The following CNTNAP5 variants were observed in gnomAD, a reference collection of about 807,000 sequenced individuals.
The protein encoded by CNTNAP5 is contactin associated protein family member 5, also known as contactin-associated protein-like 5.
CNTNAP5 carries 72 observed loss-of-function variants against 150.2 expected under a neutral mutation model. That is an observed-to-expected ratio of 0.48 (90% CI 0.40 to 0.58). CNTNAP5 has a LOEUF of 0.58. Ranked by LOEUF, CNTNAP5 falls within the 20% of genes least tolerant of loss-of-function variation. CNTNAP5 has a pLI of 0.00. For synonymous variants in CNTNAP5, 672 were observed against 619.8 expected (o/e 1.08, Z -1.25); for missense variants, 1,636 against 1,626.2 (o/e 1.01, Z -0.10).
chr2:124,101,456 A>G (rs538842887), intron 1 of CNTNAP5, among the ~76,000 whole-genome samples: 15 of 152,208 alleles, frequency 9.9e-5, no homozygotes, highest in Non-Finnish European at 1.9e-4. Context: ...ACAAAGCTGG[A>G]AAGGGGCACA....
In CNTNAP5 at chr2:124,373,502, C is replaced by G. The variant is rs886215077; in HGVS notation, c.382-43941C>G. Reference sequence around the variant, plus strand: ...CTAAAGTGGTGCCACGAGGAGTTCACTGATAAATTGAGATTTTTAGCAACA... The same window carrying G: ...CTAAAGTGGTGCCACGAGGAGTTCAGTGATAAATTGAGATTTTTAGCAACA... On this transcript the variant is annotated intron_variant, in intron 3 of 23. Coordinates refer to ENST00000682447, the MANE Select transcript of CNTNAP5 (RefSeq NM_001367498.1). 2.6e-5 allele frequency among the ~76,000 whole-genome samples: 4 copies of G among 151,954 alleles called. No homozygotes were observed. In the East Asian group the frequency reaches 7.8e-4, roughly 29 times the overall value.
At chr2:124,689,531 G>A (rs544998261) in intron 13 of CNTNAP5, among the ~76,000 whole-genome samples, 5 of 152,216 alleles carry the variant, frequency 3.3e-5, no homozygotes, top group African/African-American at 1.2e-4. Context: ...GCACACATGT[G>A]TTTGCCTGTC....
At chr2:124,243,522 T>C (rs2104770197) in intron 3 of CNTNAP5, among the ~76,000 whole-genome samples, 1 of 152,326 alleles carries the variant, frequency 6.6e-6, no homozygotes, top group East Asian at 1.9e-4. Context: ...ATTAATGTCA[T>C]CTTTATTCTG....
At position 124,914,676 on chromosome 2, in the gene CNTNAP5, G is replaced by T. The variant is rs191003225; in HGVS notation, c.*388G>T. ...GAACCTGAGCTCTTAGGCACATGAC[G>T]GTCATTCCTGACATCCTCCCCAGCT... On this transcript the variant is annotated 3_prime_UTR_variant, in exon 24 of 24. Coordinates refer to ENST00000682447, the MANE Select transcript of CNTNAP5 (RefSeq NM_001367498.1). 5.5e-4 allele frequency: 87 copies of T among 159,136 alleles called. No homozygotes were observed. In the Middle Eastern group the frequency reaches 0.022, roughly 41 times the overall value. 9.9% of individuals were successfully genotyped at this position (159,136 alleles called of 1,614,324 possible). A position where few individuals can be genotyped will look rare whatever the true frequency, so the allele number is the denominator to read the frequency against.
intron 13 of CNTNAP5, among the ~76,000 whole-genome samples, chr2:124,706,923 A>G (rs1285074592): frequency 7.1e-3 from 187 of 26,248 alleles, no homozygotes; most frequent in Middle Eastern, 0.019. Flanking sequence ...GAGGAGAAGA[A>G]GAAGAAGAAG....
chr2:124,513,311 A>G (rs1244377344), intron 8 of CNTNAP5, among the ~76,000 whole-genome samples: 1 of 152,180 alleles, frequency 6.6e-6, no homozygotes, highest in Non-Finnish European at 1.5e-5. Context: ...AACATATGGA[A>G]ACTTATTTTA....
intron 3 of CNTNAP5, among the ~76,000 whole-genome samples, chr2:124,373,624 C>T (rs1421114987): frequency 1.3e-5 from 2 of 151,688 alleles, no homozygotes; most frequent in East Asian, 3.9e-4. Context: ...GACTAAGGTT[C>T]AGAATAATTG....
chr2:124,419,933 TTTC>T (rs1469595588), intron 4 of CNTNAP5, among the ~76,000 whole-genome samples: 12 of 129,080 alleles, frequency 9.3e-5, no homozygotes, highest in African/African-American at 3.1e-4. Flanking sequence ...TCTTTCTTTC[TTTC>T]TTTCTTTCTT....
Position 124,219,610 on chromosome 2 carries a change from G to T in CNTNAP5, c.83-2095G>T, listed in dbSNP as rs142742837. Reference sequence around the variant, plus strand: ...CCTATATATGTGTTTGTGTGTGTGTGGTTTGTATTTTTCTATGGGGCTCAC... The same window carrying T: ...CCTATATATGTGTTTGTGTGTGTGTTGTTTGTATTTTTCTATGGGGCTCAC... On this transcript the variant is annotated intron_variant, in intron 1 of 23. Coordinates refer to ENST00000682447, the MANE Select transcript of CNTNAP5 (RefSeq NM_001367498.1). 3.9e-3 allele frequency among the ~76,000 whole-genome samples: 594 copies of T among 152,062 alleles called. 5 individuals carry two copies. The highest frequency in any genetic ancestry group is 0.012 in the African/African-American group (512 of 41,494).
At chr2:124,881,462 C>A (rs1223350745) in intron 21 of CNTNAP5, among the ~76,000 whole-genome samples, 3 of 152,092 alleles carry the variant, frequency 2.0e-5, no homozygotes, top group Non-Finnish European at 2.9e-5. Flanking sequence ...TCTGGTCTGG[C>A]CTGAGCCCGA....
In CNTNAP5 at chr2:124,798,332, G is replaced by T. The variant is rs1428395109; in HGVS notation, c.3217+12G>T. 15 of 1,582,882 alleles carry T rather than the reference G, an allele frequency of 9.5e-6. No homozygotes were observed. The highest frequency in any genetic ancestry group is 3.3e-5 in the Admixed American group (2 of 59,924). ...GCTCTGCAAGAATGGTGAGTGTGAT[G>T]GCATGATACCCAGCGGAGTCTCAGC... On this transcript the variant is annotated intron_variant, in intron 19 of 23. Coordinates refer to ENST00000682447, the MANE Select transcript of CNTNAP5 (RefSeq NM_001367498.1).
rs559753738 is a variant in CNTNAP5 at position 124,685,373 on chromosome 2, C to T, written c.2077+37415C>T. 2.2e-4 allele frequency among the ~76,000 whole-genome samples: 33 copies of T among 152,146 alleles called. 1 individual carries two copies. The South Asian group carries it at 6.0e-3, about 28-fold the overall frequency. Reference sequence around the variant, plus strand: ...CTGCTTACACTTTATTTCTTAGTACCCACATAGATCATCTCAATCACCTAT... The same window carrying T: ...CTGCTTACACTTTATTTCTTAGTACTCACATAGATCATCTCAATCACCTAT... On this transcript the variant is annotated intron_variant, in intron 13 of 23. Transcript: ENST00000682447.
At chr2:124,844,445 C>A (rs188928328) in intron 19 of CNTNAP5, among the ~76,000 whole-genome samples, 2 of 151,820 alleles carry the variant, frequency 1.3e-5, no homozygotes, top group Non-Finnish European at 2.9e-5. Context: ...TCAGGTAATG[C>A]GATGCCTCCA....
At chr2:124,058,134 A>T (rs1681905633) in intron 1 of CNTNAP5, among the ~76,000 whole-genome samples, 1 of 152,178 alleles carries the variant, frequency 6.6e-6, no homozygotes, top group Non-Finnish European at 1.5e-5. Flanking sequence ...GGATTGTTAA[A>T]TATGCAAATT....
At chr2:124,859,750 T>G (rs940993956) in intron 19 of CNTNAP5, among the ~76,000 whole-genome samples, 14 of 152,114 alleles carry the variant, frequency 9.2e-5, no homozygotes, top group African/African-American at 3.4e-4. Context: ...TGAGTTCATG[T>G]CCTTTGTAGG....
chr2:124,672,654 A>C (rs1027202197), intron 13 of CNTNAP5, among the ~76,000 whole-genome samples: 1 of 152,152 alleles, frequency 6.6e-6, no homozygotes, highest in Non-Finnish European at 1.5e-5. Flanking sequence ...ATAAAACTGA[A>C]ATTTAAAGGA....
chr2:124,318,610 C>T (rs1027195257), intron 3 of CNTNAP5, among the ~76,000 whole-genome samples: 1 of 152,182 alleles, frequency 6.6e-6, no homozygotes, highest in Non-Finnish European at 1.5e-5. Context: ...AAAAACAGCA[C>T]TTAGAGTTTC....
At chr2:124,855,884 T>C (rs1252897819) in intron 19 of CNTNAP5, among the ~76,000 whole-genome samples, 2 of 152,062 alleles carry the variant, frequency 1.3e-5, no homozygotes, top group African/African-American at 4.8e-5. Flanking sequence ...TACCCTTGAG[T>C]CCCCAAAGTC....
At chr2:124,233,458 A>G (rs1306457451) in intron 2 of CNTNAP5, among the ~76,000 whole-genome samples, 1 of 152,278 alleles carries the variant, frequency 6.6e-6, no homozygotes, top group Non-Finnish European at 1.5e-5. Flanking sequence ...TAGAGCACTG[A>G]AACTCTTCAA....
Sources: allele counts gnomAD v4.1 joint callset (sites outside exome capture counted in the v4.1 genomes callset), GRCh38; gene constraint gnomAD v4.1.1; transcripts MANE v1.5; gene names NCBI Gene and HGNC (gene_info 2026-07-23, HGNC 2026-07-21).